Variants in POLDIP3 observed in about 807,000 individuals in gnomAD.
POLDIP3 encodes DNA polymerase delta interacting protein 3, also known as polymerase delta-interacting protein 3.
Under a neutral mutation model 45.1 loss-of-function variants are expected in POLDIP3, and 14 were observed. The observed-to-expected ratio is 0.31, with a 90% confidence interval of 0.20 to 0.49. POLDIP3 has a LOEUF of 0.49. POLDIP3 is among the 20% of genes least tolerant of loss of function. The pLI is 0.99. For missense variants in POLDIP3, 511 were observed against 538.8 expected, an observed-to-expected ratio of 0.95 and a Z score of 0.51; for synonymous variants, 223 against 205.2, an observed-to-expected ratio of 1.09 and a Z score of -0.74.
rs147474554 is a variant in POLDIP3 at position 42,586,413 on chromosome 22, G to C, written c.1089-445C>G. 9.8e-3 allele frequency among the ~76,000 whole-genome samples: 1,491 copies of C among 152,058 alleles called. 23 individuals are homozygous for C. The highest frequency in any genetic ancestry group is 0.034 in the African/African-American group (1,428 of 41,448). Reference sequence around the variant, plus strand: ...GGCATGATGATGGCTCACTAGTCTCGATCTTCCAGGCTCAAGCGATCCTCC... The same window carrying C: ...GGCATGATGATGGCTCACTAGTCTCCATCTTCCAGGCTCAAGCGATCCTCC... On this transcript the variant is annotated intron_variant, in intron 8 of 8. Transcript: ENST00000252115.
intron 1 of POLDIP3, among the ~76,000 whole-genome samples, chr22:42,614,064 A>G (rs1927299003): frequency 6.6e-6 from 1 of 152,292 alleles, no homozygotes; most frequent in East Asian, 1.9e-4. Context: ...TCTCCTGCCC[A>G]ACACACCAGT....
chr22:42,599,560 C>T (rs946569177), intron 4 of POLDIP3, 138 bp downstream of exon 4: 2 of 681,636 alleles, frequency 2.9e-6, no homozygotes, highest in African/African-American at 1.8e-5. Flanking sequence ...GCCAAGATTG[C>T]GCCATTGCAC....
intron 7 of POLDIP3, among the ~76,000 whole-genome samples, chr22:42,591,283 G>A (rs1283704215): frequency 6.6e-6 from 1 of 152,156 alleles, no homozygotes; most frequent in Non-Finnish European, 1.5e-5. Context: ...ATGGGGAAAT[G>A]CAAATCAGAA....
chr22:42,589,121 T>C (rs970391627), intron 7 of POLDIP3, among the ~76,000 whole-genome samples: 11 of 151,868 alleles, frequency 7.2e-5, no homozygotes, highest in African/African-American at 2.7e-4. Flanking sequence ...TGCACACCTG[T>C]AGTCTCAGCC....
In POLDIP3 at chr22:42,594,860, C is replaced by T. The variant is rs899362800; in HGVS notation, c.891+677G>A. Among the ~76,000 whole-genome samples, 7 of 152,312 alleles carry T rather than the reference C, an allele frequency of 4.6e-5. 1 individual carries two copies. In the East Asian group the frequency reaches 1.2e-3, roughly 25 times the overall value. On this transcript the variant is annotated intron_variant, in intron 6 of 8. Coordinates refer to ENST00000252115, the MANE Select transcript of POLDIP3 (RefSeq NM_032311.5). ...CATCTTGTAATACCTCCAAAGGACACAGGAAAACACAACTATTGGATACTG... is the reference window on the plus strand; with the variant it reads ...CATCTTGTAATACCTCCAAAGGACATAGGAAAACACAACTATTGGATACTG...
At chr22:42,598,614 G>T (rs1207456531) in intron 4 of POLDIP3, among the ~76,000 whole-genome samples, 4 of 152,098 alleles carry the variant, frequency 2.6e-5, no homozygotes, top group Admixed American at 2.0e-4. Flanking sequence ...TCCATCTCCT[G>T]ACCTTGTGAT....
In POLDIP3 at chr22:42,585,529, A is replaced by G. The variant is rs1601878097; in HGVS notation, c.*262T>C. 1 of 473,586 alleles carries G rather than the reference A, an allele frequency of 2.1e-6. No individual in the cohort carries two copies. Among genetic ancestry groups the G allele is most frequent in the Non-Finnish European group, 3.8e-6 (1 of 260,298 alleles). The allele number at this position is 473,586 out of a possible 1,614,324, so 29.3% of individuals were successfully genotyped here. On this transcript the variant is annotated 3_prime_UTR_variant, in exon 9 of 9. Coordinates refer to ENST00000252115, the MANE Select transcript of POLDIP3 (RefSeq NM_032311.5). ...ATCAGCTTGGGGCTGAGGCTCGGGG[A>G]GGCACACACTGAAAAACACAAGCCT...
At chr22:42,603,270 A>C in intron 1 of POLDIP3, 110 bp from the exon 2 acceptor site, 2 of 1,177,998 alleles carry the variant, frequency 1.7e-6, no homozygotes, top group Admixed American at 2.4e-5. Context: ...GAGAATCAGA[A>C]AGCGGCTCCT....
chr22:42,602,343 T>A, intron 2 of POLDIP3, among the ~76,000 whole-genome samples: 1 of 152,244 alleles, frequency 6.6e-6, no homozygotes, highest in East Asian at 1.9e-4. Context: ...ATGACATTGT[T>A]TCCTTTCCCT....
intron 7 of POLDIP3, among the ~76,000 whole-genome samples, chr22:42,587,778 C>A (rs1214551488): frequency 6.6e-6 from 1 of 152,080 alleles, no homozygotes; most frequent in Non-Finnish European, 1.5e-5. Flanking sequence ...CAGTGGAGCA[C>A]CAAGAGGCAA....
In POLDIP3 at chr22:42,585,380, C is replaced by T. The variant is rs1159377568; in HGVS notation, c.*411G>A. 2 of 399,024 alleles carry T rather than the reference C, an allele frequency of 5.0e-6. No individual in the cohort carries two copies. The highest frequency in any genetic ancestry group is 6.1e-5 in the Admixed American group (2 of 33,054). The allele number at this position is 399,024 out of a possible 1,614,324, so 24.7% of individuals were successfully genotyped here. A position where few individuals can be genotyped will look rare whatever the true frequency, so the allele number is the denominator to read the frequency against. On this transcript the variant is annotated 3_prime_UTR_variant, in exon 9 of 9. Coordinates refer to ENST00000252115, the MANE Select transcript of POLDIP3 (RefSeq NM_032311.5). ...CATTGTTTGAAAAGCTTAATACACA[C>T]AAAGGAAAGGCAGCCCCTCGGCCCC... is the stretch of plus-strand genomic sequence containing the variant.
At chr22:42,605,866 G>A (rs192049410) in intron 1 of POLDIP3, among the ~76,000 whole-genome samples, 3 of 152,318 alleles carry the variant, frequency 2.0e-5, no homozygotes, top group African/African-American at 7.2e-5. Context: ...GCTAGGCCAG[G>A]CACAGTGACT....
chr22:42,589,714 G>A (rs754324225), intron 7 of POLDIP3, among the ~76,000 whole-genome samples: 12 of 151,698 alleles, frequency 7.9e-5, no homozygotes, highest in Non-Finnish European at 1.6e-4. Flanking sequence ...CGTGACAGTG[G>A]GCACCTGTAA....
Position 42,601,514 on chromosome 22 carries a change from G to A in POLDIP3, c.537+456C>T, listed in dbSNP as rs142936213. Among the ~76,000 whole-genome samples the A allele has an allele frequency of 2.9e-3, 442 of 152,242 alleles. 2 individuals carry two copies. The highest frequency in any genetic ancestry group is 9.8e-3 in the African/African-American group (407 of 41,550). On this transcript the variant is annotated intron_variant, in intron 3 of 8. Transcript: ENST00000252115. ...GTGGTGGCTCACGCCTGTAATCCCAGCACTTTGGGAGGCTGAGGCGGGGGG... is the reference window on the plus strand; with the variant it reads ...GTGGTGGCTCACGCCTGTAATCCCAACACTTTGGGAGGCTGAGGCGGGGGG...
rs1925197334 is a variant in POLDIP3 at position 42,584,912 on chromosome 22, C to A, written c.*879G>T. On this transcript the variant is annotated 3_prime_UTR_variant, in exon 9 of 9. Coordinates refer to ENST00000252115, the MANE Select transcript of POLDIP3 (RefSeq NM_032311.5). ...AAATAAGCTCCAAACCCAAGCACTG[C>A]ACAATGGGAGGCTGAGCCTTTCAAA... 1 of 456,146 alleles carries A rather than the reference C, an allele frequency of 2.2e-6. No individual in the cohort carries two copies. The highest frequency in any genetic ancestry group is 2.0e-5 in the African/African-American group (1 of 50,050). The allele number at this position is 456,146 out of a possible 1,614,324, so 28.3% of individuals were successfully genotyped here.
At chr22:42,592,434 G>A (rs1417447145) in intron 6 of POLDIP3, among the ~76,000 whole-genome samples, 6 of 152,224 alleles carry the variant, frequency 3.9e-5, no homozygotes, top group Non-Finnish European at 8.8e-5. Context: ...TACAAAGAAA[G>A]ACAGCTGCTA....
chr22:42,600,580 C>A (rs956831473), intron 3 of POLDIP3, among the ~76,000 whole-genome samples: 2 of 150,672 alleles, frequency 1.3e-5, no homozygotes. Context: ...GAGCCGAGAT[C>A]GTGCCACTGC....
chr22:42,613,685 G>C (rs1261482071), intron 1 of POLDIP3, among the ~76,000 whole-genome samples: 1 of 151,982 alleles, frequency 6.6e-6, no homozygotes, highest in East Asian at 1.9e-4. Flanking sequence ...CGCTGGAACC[G>C]GGGAGGCGGA....
intron 1 of POLDIP3, among the ~76,000 whole-genome samples, chr22:42,606,330 G>A (rs550529138): frequency 4.3e-4 from 66 of 151,810 alleles, no homozygotes; most frequent in African/African-American, 1.5e-3. Flanking sequence ...AGAACAGCAC[G>A]GGCAACATAG....
Sources: allele counts gnomAD v4.1 joint callset (sites outside exome capture counted in the v4.1 genomes callset), GRCh38; gene constraint gnomAD v4.1.1; transcripts MANE v1.5; gene names NCBI Gene and HGNC (gene_info 2026-07-23, HGNC 2026-07-21).